ANKH: variants seen among roughly 807,000 people sequenced by gnomAD.
ANKH encodes the protein ANKH inorganic pyrophosphate transport regulator, also known as mineralization regulator ANKH.
Under a neutral mutation model 49.0 loss-of-function variants are expected in ANKH, and 15 were observed. The observed-to-expected ratio is 0.31, with a 90% confidence interval of 0.20 to 0.47. The LOEUF (loss-of-function observed/expected upper bound fraction) is 0.47, where lower values mean the gene tolerates loss of function less well. ANKH is among the 20% of genes least tolerant of loss of function. The probability of loss-of-function intolerance (pLI) is 1.00; values close to 1 mark genes in which losing one functional copy is unlikely to be tolerated. For missense variants in ANKH, 429 were observed against 652.0 expected, an observed-to-expected ratio of 0.66 and a Z score of 3.72; for synonymous variants, 273 against 260.0, an observed-to-expected ratio of 1.05 and a Z score of -0.48.
At chr5:14,807,115 T>C (rs1269238670) in intron 1 of ANKH, among the ~76,000 whole-genome samples, 1 of 90,580 alleles carries the variant, frequency 1.1e-5, no homozygotes, top group Non-Finnish European at 2.4e-5. Flanking sequence ...TGATATTTCT[T>C]TTTTTTTTTT....
At chr5:14,788,159 G>A (rs1303935903) in intron 1 of ANKH, 2 of 152,154 alleles carry the variant, frequency 1.3e-5, no homozygotes, top group East Asian at 3.9e-4. Context: ...AAGTTATCAA[G>A]GCCAACCTCT....
At position 14,714,329 on chromosome 5, in the gene ANKH, G is replaced by A. The variant is rs73048829; in HGVS notation, c.1142-662C>T. On this transcript the variant is annotated intron_variant, in intron 9 of 11. Coordinates refer to ENST00000284268, the MANE Select transcript of ANKH (RefSeq NM_054027.6). ...CTGAGCTGCAGGAGGGCCATGGGTGGACAGCGGGGAACTGTGGAGAGCACG... is the reference window on the plus strand; with the variant it reads ...CTGAGCTGCAGGAGGGCCATGGGTGAACAGCGGGGAACTGTGGAGAGCACG... Among the ~76,000 whole-genome samples, 1,334 of 152,346 alleles carry A rather than the reference G, an allele frequency of 8.8e-3. 20 individuals are homozygous for A. The highest frequency in any genetic ancestry group is 0.031 in the African/African-American group (1,274 of 41,582).
chr5:14,741,812 A>T lies in ANKH; in HGVS notation c.1011+15T>A. 4 of 1,600,432 alleles carry T rather than the reference A, an allele frequency of 2.5e-6. No individual in the cohort carries two copies. The highest frequency in any genetic ancestry group is 3.4e-6 in the Non-Finnish European group (4 of 1,167,882). ...CCAAACAGAGAGAAGAGGCAGAGAG[A>T]GCCTCTGTCCTTACCGTGAGTGACA... On this transcript the variant is annotated intron_variant, in intron 8 of 11. Transcript: ENST00000284268.
At chr5:14,802,209 C>T (rs1354061217) in intron 1 of ANKH, among the ~76,000 whole-genome samples, 1 of 152,098 alleles carries the variant, frequency 6.6e-6, no homozygotes, top group African/African-American at 2.4e-5. Flanking sequence ...ATCATTTAGT[C>T]CCTGACACTC....
chr5:14,797,476 T>A lies in ANKH; in HGVS notation c.97-28285A>T. The A allele has an allele frequency of 2.5e-6, 4 of 1,611,292 alleles. No individual in the cohort carries two copies. The South Asian group carries it at 3.3e-5, about 13-fold the overall frequency. On this transcript the variant is annotated intron_variant, in intron 1 of 11. Transcript: ENST00000284268. Reference sequence around the variant, plus strand: ...TTATGTGACTCAAAGGAATGCAACTTAAGTTTCAGATTTCTCAGATCCCAC... The same window carrying A: ...TTATGTGACTCAAAGGAATGCAACTAAAGTTTCAGATTTCTCAGATCCCAC...
At chr5:14,772,778 A>C (rs558654408) in intron 1 of ANKH, among the ~76,000 whole-genome samples, 10 of 152,346 alleles carry the variant, frequency 6.6e-5, no homozygotes, top group African/African-American at 2.4e-4. Context: ...TTTACCTGGC[A>C]GTGGACCCAT....
At chr5:14,819,672 C>A (rs1465790532) in intron 1 of ANKH, among the ~76,000 whole-genome samples, 1 of 152,030 alleles carries the variant, frequency 6.6e-6, no homozygotes, top group Non-Finnish European at 1.5e-5. Flanking sequence ...TCAAGACCAG[C>A]CTGGGCAACA....
chr5:14,735,278 A>T (rs1738139039), intron 8 of ANKH, among the ~76,000 whole-genome samples: 1 of 152,220 alleles, frequency 6.6e-6, no homozygotes, highest in African/African-American at 2.4e-5. Context: ...TAAAAAATGC[A>T]GACACAGGGC....
In ANKH at chr5:14,745,605, A is replaced by C. The variant is rs920073887; in HGVS notation, c.915+265T>G. 6.6e-6 allele frequency among the ~76,000 whole-genome samples: 1 copy of C among 152,244 alleles called. No individual in the cohort carries two copies. The highest frequency in any genetic ancestry group is 1.5e-5 in the Non-Finnish European group (1 of 68,034). On this transcript the variant is annotated intron_variant, in intron 7 of 11. Transcript: ENST00000284268. The surrounding 1 kb of genome is among the most constrained non-coding windows in gnomAD (Gnocchi z 4.7). ...AAGTTTATTTTCCCTTTCGCAAACA[A>C]ATCATTTCTCAATGGGAATAACCTG...
chr5:14,754,936 C>A (rs770206823), intron 4 of ANKH, among the ~76,000 whole-genome samples: 7 of 151,826 alleles, frequency 4.6e-5, no homozygotes, highest in Non-Finnish European at 1.0e-4. Flanking sequence ...ATTAGCCAGG[C>A]ATGGTGGCAG....
intron 1 of ANKH, among the ~76,000 whole-genome samples, chr5:14,772,994 T>C (rs1467969189): frequency 6.6e-6 from 1 of 152,254 alleles, no homozygotes; most frequent in Non-Finnish European, 1.5e-5. Flanking sequence ...GTACAATTCA[T>C]GCTCCAGAGT....
Position 14,835,251 on chromosome 5 carries a change from C to T in ANKH, c.96+36101G>A, listed in dbSNP as rs1205002641. Among the ~76,000 whole-genome samples, 4 of 152,164 alleles carry T rather than the reference C, an allele frequency of 2.6e-5. No individual in the cohort carries two copies. In the East Asian group the frequency reaches 7.7e-4, roughly 29 times the overall value. Reference sequence around the variant, plus strand: ...ACATATATTTTTAATTCTGTTGAGACTGAAAGAGATGAGTGTTGCTCAGCG... The same window carrying T: ...ACATATATTTTTAATTCTGTTGAGATTGAAAGAGATGAGTGTTGCTCAGCG... On this transcript the variant is annotated intron_variant, in intron 1 of 11. Coordinates refer to ENST00000284268, the MANE Select transcript of ANKH (RefSeq NM_054027.6).
intron 1 of ANKH, among the ~76,000 whole-genome samples, chr5:14,798,581 ACT>A (rs936866032): frequency 6.6e-6 from 1 of 151,094 alleles, no homozygotes; most frequent in Non-Finnish European, 1.5e-5. Context: ...GCACATGCTC[ACT>A]CTCTGTCTCT....
intron 8 of ANKH, among the ~76,000 whole-genome samples, chr5:14,719,536 G>A (rs927521736): frequency 7.2e-5 from 11 of 152,098 alleles, no homozygotes; most frequent in Admixed American, 3.3e-4. Context: ...ACTACCTAAT[G>A]TGCTTGAATA....
At chr5:14,746,450 A>G (rs1332403741) in intron 6 of ANKH, among the ~76,000 whole-genome samples, 2 of 152,128 alleles carry the variant, frequency 1.3e-5, no homozygotes, top group Non-Finnish European at 2.9e-5. Context: ...AGGGGCCACA[A>G]CAAGATCAGG....
At chr5:14,838,524 T>A (rs1466196363) in intron 1 of ANKH, among the ~76,000 whole-genome samples, 2 of 152,136 alleles carry the variant, frequency 1.3e-5, no homozygotes, top group African/African-American at 2.4e-5. Context: ...GGGGTATGTA[T>A]GTCCTTCTCA....
intron 1 of ANKH, among the ~76,000 whole-genome samples, chr5:14,863,798 A>C (rs1032547653): frequency 1.3e-5 from 2 of 152,166 alleles, no homozygotes; most frequent in African/African-American, 4.8e-5. Flanking sequence ...CTCCCACCCA[A>C]CATAACCTGC....
At chr5:14,787,847 G>A (rs1740029653) in intron 1 of ANKH, among the ~76,000 whole-genome samples, 1 of 152,144 alleles carries the variant, frequency 6.6e-6, no homozygotes, top group South Asian at 2.1e-4. Context: ...CATACTAGGA[G>A]TTATGTGCTG....
chr5:14,867,993 T>C (rs1735702787), intron 1 of ANKH, among the ~76,000 whole-genome samples: 1 of 152,190 alleles, frequency 6.6e-6, no homozygotes, highest in African/African-American at 2.4e-5. Context: ...TTAGAGGAAA[T>C]AGTCCATAAG....
Sources: gnomAD v4.1 joint callset for allele counts (sites outside exome capture counted in the v4.1 genomes callset) on GRCh38, gnomAD v4.1.1 for gene constraint, Gnocchi (gnomAD v3.1) non-coding constraint, MANE v1.5 for transcripts, NCBI Gene and HGNC (gene_info 2026-07-23, HGNC 2026-07-21) for gene names.